Variants in ANK3 observed in about 807,000 individuals in gnomAD.
ANK3 encodes the protein ankyrin 3, also known as ankyrin-3.
A neutral mutation model predicts 370.9 loss-of-function variants in ANK3; 57 were observed. That is an observed-to-expected ratio of 0.15 (90% CI 0.12 to 0.19). The LOEUF (loss-of-function observed/expected upper bound fraction) is 0.19. ANK3 is among the 10% of genes least tolerant of loss of function. The probability of loss-of-function intolerance (pLI) is 1.00; values close to 1 mark genes in which losing one functional copy is unlikely to be tolerated. For missense variants in ANK3, 4,439 were observed against 5,302.1 expected (o/e 0.84, Z 5.06); for synonymous variants, 1,929 against 1,946.3 (o/e 0.99, Z 0.23).
chr10:60,649,461 A>G (rs1207909053), intron 1 of ANK3, among the ~76,000 whole-genome samples: 1 of 152,228 alleles, frequency 6.6e-6, no homozygotes, highest in East Asian at 1.9e-4. Context: ...GTATCTTAAG[A>G]TGAAATACCA....
At chr10:60,695,458 GCACCA>G (rs1427749383) in intron 1 of ANK3, among the ~76,000 whole-genome samples, 2 of 152,114 alleles carry the variant, frequency 1.3e-5, no homozygotes, top group East Asian at 3.9e-4. Flanking sequence ...ATTTTTTTCA[GCACCA>G]CACCACACCT....
chr10:60,695,713 G>C, intron 1 of ANK3, among the ~76,000 whole-genome samples: 1 of 152,158 alleles, frequency 6.6e-6, no homozygotes, highest in Non-Finnish European at 1.5e-5. Context: ...TGAGAACAAA[G>C]ACACAACATA....
At position 60,106,086 on chromosome 10, in the gene ANK3, G is replaced by A. The variant is rs559134807; in HGVS notation, c.3174-27C>T. On this transcript the variant is annotated intron_variant, in intron 27 of 43. Transcript: ENST00000280772. ...TGGAAAAAAAATCCACATTATTTTG[G>A]TATCAAATTAAATATATTTATAGTA... is the stretch of plus-strand genomic sequence containing the variant. 2.0e-5 allele frequency: 31 copies of A among 1,574,154 alleles called. No homozygotes were observed. In the African/African-American group the frequency reaches 3.6e-4, roughly 18 times the overall value.
intron 1 of ANK3, among the ~76,000 whole-genome samples, chr10:60,290,620 C>A (rs1010734140): frequency 6.6e-6 from 1 of 152,160 alleles, no homozygotes; most frequent in African/African-American, 2.4e-5. Flanking sequence ...ACAAGGCTGC[C>A]TTTGCATGGA....
chr10:60,082,100 C>T, intron 35 of ANK3, 50 bp downstream of exon 35: 1 of 1,482,518 alleles, frequency 6.7e-7, no homozygotes, highest in South Asian at 1.2e-5. Context: ...CATACAGATT[C>T]AATTTCTATT....
chr10:60,032,499 C>T (rs1204139168), intron 43 of ANK3, among the ~76,000 whole-genome samples: 2 of 151,986 alleles, frequency 1.3e-5, no homozygotes, highest in Non-Finnish European at 2.9e-5. Flanking sequence ...TGAGCCACTG[C>T]GCCTGGCCTG....
intron 1 of ANK3, among the ~76,000 whole-genome samples, chr10:60,691,561 T>C (rs1055162731): frequency 1.3e-5 from 2 of 152,224 alleles, no homozygotes; most frequent in Non-Finnish European, 2.9e-5. Context: ...AAAGGTAATT[T>C]CTTAAAGGAC....
intron 1 of ANK3, among the ~76,000 whole-genome samples, chr10:60,693,075 G>A (rs2079380522): frequency 6.6e-6 from 1 of 152,216 alleles, no homozygotes; most frequent in Non-Finnish European, 1.5e-5. Context: ...GCAGGGCGAG[G>A]CATTGCCTCA....
At chr10:60,035,098 C>G (rs1206270834) in intron 43 of ANK3, among the ~76,000 whole-genome samples, 3 of 151,948 alleles carry the variant, frequency 2.0e-5, no homozygotes, top group Non-Finnish European at 4.4e-5. Context: ...AATTTTATTA[C>G]TGTTATTATT....
chr10:60,712,867 G>C (rs1242859546), intron 1 of ANK3, among the ~76,000 whole-genome samples: 2 of 152,062 alleles, frequency 1.3e-5, no homozygotes, highest in Non-Finnish European at 2.9e-5. Context: ...GGATAAAAAG[G>C]AGCATTATAT....
At chr10:60,478,094 T>C (rs568630181) in intron 2 of ANK3, among the ~76,000 whole-genome samples, 5 of 152,224 alleles carry the variant, frequency 3.3e-5, no homozygotes, top group African/African-American at 7.2e-5. Context: ...AATGAATTCA[T>C]CATTAATCTT....
At chr10:60,588,209 G>T (rs961968180) in intron 2 of ANK3, among the ~76,000 whole-genome samples, 4 of 137,680 alleles carry the variant, frequency 2.9e-5, no homozygotes, top group Non-Finnish European at 6.3e-5. Flanking sequence ...ATTTGAGATG[G>T]ATTCTCACTT....
intron 2 of ANK3, among the ~76,000 whole-genome samples, chr10:60,528,477 C>A (rs1429341598): frequency 3.9e-5 from 6 of 152,040 alleles, no homozygotes; most frequent in African/African-American, 1.4e-4. Flanking sequence ...ATTTGTACAG[C>A]AGTTCATTCA....
chr10:60,128,334 C>T (rs536473284), intron 25 of ANK3, among the ~76,000 whole-genome samples: 91 of 151,792 alleles, frequency 6.0e-4, no homozygotes, highest in Non-Finnish European at 1.1e-3. Context: ...GCTGTGTCCC[C>T]GGGGGTGAGT....
chr10:60,551,932 C>T lies in ANK3; in HGVS notation c.96+63254G>A, dbSNP rs555028066. 2.6e-5 allele frequency among the ~76,000 whole-genome samples: 4 copies of T among 152,270 alleles called. No homozygotes were observed. In the South Asian group the frequency reaches 8.3e-4, roughly 32 times the overall value. On this transcript the variant is annotated intron_variant, in intron 2 of 43. Transcript: ENST00000373827. ...TGTGCCATCAATATGGGAGATGATG[C>T]AGCATTTCTTAATGTGCTCCACAAC...
At chr10:60,086,476 G>T in intron 30 of ANK3, 1 of 476,558 alleles carries the variant, frequency 2.1e-6, no homozygotes, top group Non-Finnish European at 3.6e-6. Flanking sequence ...ATGAGACCAG[G>T]ATCTTGACCA....
At chr10:60,673,547 C>T (rs144347645) in intron 1 of ANK3, among the ~76,000 whole-genome samples, 6,185 of 151,884 alleles carry the variant, frequency 0.041, 160 homozygotes, top group Middle Eastern at 0.071. Context: ...AGATGGGGTT[C>T]CACCATGTTG....
At chr10:60,082,759 A>G (rs767362354) in intron 33 of ANK3, 22 bp from the exon 34 acceptor site, 8 of 1,608,244 alleles carry the variant, frequency 5.0e-6, no homozygotes, top group Non-Finnish European at 6.8e-6. Flanking sequence ...TTGGTAGTTG[A>G]TGGTTATAGA....
intron 2 of ANK3, among the ~76,000 whole-genome samples, chr10:60,496,954 T>C (rs886974729): frequency 6.6e-6 from 1 of 152,174 alleles, no homozygotes; most frequent in Admixed American, 6.5e-5. Context: ...AAGGACTTGT[T>C]GCAGAAAGCA....
Sources: gnomAD v4.1 joint callset for allele counts (sites outside exome capture counted in the v4.1 genomes callset) on GRCh38, gnomAD v4.1.1 for gene constraint, MANE v1.5 for transcripts, NCBI Gene and HGNC (gene_info 2026-07-23, HGNC 2026-07-21) for gene names.